Variants in GUCY1A1 observed in about 807,000 individuals in gnomAD.
GUCY1A1 encodes guanylate cyclase 1 soluble subunit alpha 1.
GUCY1A1 carries 48 observed loss-of-function variants against 64.5 expected under a neutral mutation model. The ratio of observed to expected loss-of-function variants is 0.74; its 90% CI spans 0.59 to 0.95. The LOEUF (loss-of-function observed/expected upper bound fraction) is 0.95. Among genes scored for constraint, GUCY1A1 ranks in the 40% least tolerant of loss-of-function variants. The pLI is 0.00. For synonymous variants in GUCY1A1, 308 were observed against 303.4 expected (o/e 1.02, Z -0.16); for missense variants, 804 against 825.3 (o/e 0.97, Z 0.32).
At chr4:155,713,671 T>G in intron 7 of GUCY1A1, 88 bp downstream of exon 7, 1 of 1,407,672 alleles carries the variant, frequency 7.1e-7, no homozygotes, top group Non-Finnish European at 9.8e-7. Flanking sequence ...ATAATGCAAC[T>G]GAAAGGCCAC....
intron 8 of GUCY1A1, 24 bp downstream of exon 8, chr4:155,717,326 A>G: frequency 6.6e-7 from 1 of 1,504,770 alleles, no homozygotes; most frequent in Non-Finnish European, 9.0e-7. Flanking sequence ...TATATTGTCC[A>G]AAAGATGTCA....
rs115736158 is a variant in GUCY1A1 at position 155,718,777 on chromosome 4, G to A, written c.1716+1475G>A. On this transcript the variant is annotated intron_variant, in intron 8 of 9. Coordinates refer to ENST00000506455, the MANE Select transcript of GUCY1A1 (RefSeq NM_001130682.3). ...ATGACTTAGTCTTGGAAGACACACCGCAACACTTCCACTGCACTCTATCAG... is the reference window on the plus strand; with the variant it reads ...ATGACTTAGTCTTGGAAGACACACCACAACACTTCCACTGCACTCTATCAG... Among the ~76,000 whole-genome samples, 1,099 of 152,250 alleles carry A rather than the reference G, an allele frequency of 7.2e-3. 8 individuals carry two copies. The highest frequency in any genetic ancestry group is 0.024 in the African/African-American group (986 of 41,546).
intron 2 of GUCY1A1, among the ~76,000 whole-genome samples, chr4:155,668,899 C>T (rs965035149): frequency 6.6e-6 from 1 of 152,014 alleles, no homozygotes; most frequent in Non-Finnish European, 1.5e-5. Context: ...CTTCAAGGGG[C>T]CGTGAAGTCC....
intron 2 of GUCY1A1, among the ~76,000 whole-genome samples, chr4:155,669,117 G>A (rs1733769334): frequency 6.6e-6 from 1 of 152,066 alleles, no homozygotes; most frequent in African/African-American, 2.4e-5. Flanking sequence ...CAATTAAATG[G>A]TGTTACCGTA....
At chr4:155,696,112 A>C (rs1281696085) in intron 2 of GUCY1A1, among the ~76,000 whole-genome samples, 1 of 152,094 alleles carries the variant, frequency 6.6e-6, no homozygotes, top group Non-Finnish European at 1.5e-5. Flanking sequence ...GTTCTTGGGG[A>C]TCAGGAGTTC....
At chr4:155,668,508 A>T (rs1028199820) in intron 2 of GUCY1A1, among the ~76,000 whole-genome samples, 1 of 152,220 alleles carries the variant, frequency 6.6e-6, no homozygotes, top group African/African-American at 2.4e-5. Flanking sequence ...TGCCTATTTA[A>T]TGAATTGATT....
Position 155,697,042 on chromosome 4 carries a change from C to G in GUCY1A1, c.175C>G (p.Leu59Val). 6.2e-7 allele frequency: 1 copy of G among 1,612,908 alleles called. No individual in the cohort carries two copies. The highest frequency in any genetic ancestry group is 1.1e-5 in the South Asian group (1 of 91,056). The change falls in exon 3 of 10, where the codon CTT becomes GTT. Residue 59 changes from leucine to valine, a missense_variant. Leu to Val is a conservative substitution (Grantham distance 32, BLOSUM62 1). Transcript: ENST00000506455. ...DIPEKNIQES[L>V]PQRKTSRSRV... ...TCCTGAGAAGAACATACAAGAAAGT[C>G]TTCCTCAAAGAAAAACCAGTCGGAG...
intron 5 of GUCY1A1, among the ~76,000 whole-genome samples, chr4:155,709,693 G>C (rs909651546): frequency 6.6e-6 from 1 of 152,036 alleles, no homozygotes; most frequent in East Asian, 1.9e-4. Context: ...AATTAGGCAG[G>C]CATGCTCGTG....
In GUCY1A1 at chr4:155,713,245, G is replaced by T; in HGVS notation, c.1234G>T (p.Val412Leu). 6.2e-7 allele frequency: 1 copy of T among 1,614,158 alleles called. No homozygotes were observed. The change falls in exon 7 of 10, where the codon GTG (valine) becomes TTG (leucine). Residue 412 changes from valine to leucine, a missense_variant. By Grantham distance (32) the Val-to-Leu change is conservative (BLOSUM62 1). Transcript: ENST00000506455. ...CCCAATTCACAATGCACTGAGGGAT[G>T]TGGTCTTAATAGGGGAACAAGCCCG... ...DIPIHNALRD[V>L]VLIGEQARAQ... is the part of the protein sequence containing the mutation.
chr4:155,712,370 G>A (rs1732686281), intron 6 of GUCY1A1, among the ~76,000 whole-genome samples: 1 of 152,170 alleles, frequency 6.6e-6, no homozygotes, highest in Non-Finnish European at 1.5e-5. Flanking sequence ...GACCTTGGGT[G>A]ATCCATCCGC....
chr4:155,709,051 A>G (rs80233015), intron 5 of GUCY1A1, among the ~76,000 whole-genome samples: 2,076 of 152,352 alleles, frequency 0.014, 49 homozygotes, highest in African/African-American at 0.047. Flanking sequence ...CAACAAAAAT[A>G]GCATGTTTTA....
rs1315393485 is a variant in GUCY1A1, at chr4:155,732,389, AG to A, written c.*2159del. The A allele has an allele frequency of 6.5e-6, 1 of 152,880 alleles. No homozygotes were observed. Among genetic ancestry groups the A allele is most frequent in the East Asian group, 1.9e-4 (1 of 5,158 alleles). 9.5% of individuals were successfully genotyped at this position (152,880 alleles called of 1,614,324 possible). ...TTAAATCATCTGTGATAGGTTCCCC[AG>A]ACCAGCCTACAAAGGCCCATTAAAT... On this transcript the variant is annotated 3_prime_UTR_variant, in exon 10 of 10. Transcript: ENST00000506455.
At chr4:155,695,348 A>T (rs1045319893) in intron 2 of GUCY1A1, among the ~76,000 whole-genome samples, 2 of 137,376 alleles carry the variant, frequency 1.5e-5, no homozygotes, top group Non-Finnish European at 3.0e-5. Flanking sequence ...CATAGAAAAT[A>T]AAAAAAAAAA....
intron 5 of GUCY1A1, among the ~76,000 whole-genome samples, chr4:155,709,914 C>G (rs1009387547): frequency 6.6e-6 from 1 of 152,094 alleles, no homozygotes; most frequent in African/African-American, 2.4e-5. Context: ...TAATAAAAGC[C>G]TAACATTGTA....
intron 4 of GUCY1A1, among the ~76,000 whole-genome samples, chr4:155,705,334 C>T (rs781474623): frequency 2.0e-5 from 3 of 151,910 alleles, no homozygotes; most frequent in Non-Finnish European, 2.9e-5. Context: ...AGATCACCTG[C>T]GGTCAGGAGT....
At position 155,733,599 on chromosome 4, in the gene GUCY1A1, T is replaced by C. The variant is rs888556569; in HGVS notation, c.*3368T>C. On this transcript the variant is annotated 3_prime_UTR_variant, in exon 10 of 10. Transcript: ENST00000506455. ...GTTATCAACATTACCATAATAGTAA[T>C]ATTAATAACTACAATAAGAGCCATT... 4.0e-5 allele frequency among the ~76,000 whole-genome samples: 6 copies of C among 151,048 alleles called. No individual in the cohort carries two copies. Among genetic ancestry groups the C allele is most frequent in the African/African-American group, 1.5e-4 (6 of 41,054 alleles).
In GUCY1A1 at chr4:155,705,539, CAAAAAAA is replaced by C. The variant is rs35914312; in HGVS notation, c.317+1560_317+1566del. 1.6e-4 allele frequency among the ~76,000 whole-genome samples: 13 copies of C among 82,088 alleles called. No individual in the cohort carries two copies. In the South Asian group the frequency reaches 5.4e-3, roughly 34 times the overall value. 53.9% of individuals were successfully genotyped at this position (82,088 alleles called of 152,430 possible). On this transcript the variant is annotated intron_variant, in intron 4 of 9. Coordinates refer to ENST00000506455, the MANE Select transcript of GUCY1A1 (RefSeq NM_001130682.3). ...TGGGCGACAGAGTGAGACTCCATCT[CAAAAAAA>C]AAAAAAAAAAAAAGTAATAGGCCCC...
intron 3 of GUCY1A1, among the ~76,000 whole-genome samples, chr4:155,699,223 G>C (rs1243797574): frequency 6.6e-6 from 1 of 151,882 alleles, no homozygotes; most frequent in Non-Finnish European, 1.5e-5. Flanking sequence ...TCACCAATTG[G>C]CTCAGCTAGA....
chr4:155,678,729 G>T (rs1354670596), intron 2 of GUCY1A1, among the ~76,000 whole-genome samples: 1 of 152,124 alleles, frequency 6.6e-6, no homozygotes, highest in Admixed American at 6.5e-5. Flanking sequence ...CCCAAGTTTT[G>T]CTTATAAACA....
Sources: allele counts gnomAD v4.1 joint callset (sites outside exome capture counted in the v4.1 genomes callset), GRCh38; gene constraint gnomAD v4.1.1; transcripts MANE v1.5; gene names NCBI Gene and HGNC (gene_info 2026-07-23, HGNC 2026-07-21).